ANXA6: variants seen among roughly 807,000 people sequenced by gnomAD.
ANXA6 encodes the protein 67 kDa calelectrin.
ANXA6 carries 71 observed loss-of-function variants against 95.4 expected under a neutral mutation model. The observed-to-expected ratio is 0.74, with a 90% CI of 0.61 to 0.91. ANXA6 has a LOEUF of 0.91. ANXA6 is among the 40% of genes least tolerant of loss of function. The pLI is 0.00. For missense variants in ANXA6, 830 were observed against 876.4 expected, an observed-to-expected ratio of 0.95 and a Z score of 0.67; for synonymous variants, 289 against 315.9, an observed-to-expected ratio of 0.91 and a Z score of 0.90.
intron 24 of ANXA6, among the ~76,000 whole-genome samples, chr5:151,104,027 C>T (rs1315500906): frequency 2.0e-5 from 3 of 152,128 alleles, no homozygotes; most frequent in Admixed American, 2.0e-4. Flanking sequence ...AACCAATAAC[C>T]AATATCTTTA....
intron 13 of ANXA6, among the ~76,000 whole-genome samples, chr5:151,127,622 T>C (rs886348288): frequency 6.6e-6 from 1 of 152,166 alleles, no homozygotes; most frequent in Non-Finnish European, 1.5e-5. Context: ...CTCCCCTTGG[T>C]CTGGGCTAGG....
intron 16 of ANXA6, 68 bp downstream of exon 16, chr5:151,122,849 G>C: frequency 7.0e-7 from 1 of 1,420,890 alleles, no homozygotes; most frequent in Non-Finnish European, 9.9e-7. Flanking sequence ...GAACCGATGG[G>C]GACAGGCTGA....
intron 2 of ANXA6, among the ~76,000 whole-genome samples, 170 bp downstream of exon 2, chr5:151,147,714 T>C (rs1408392516): frequency 3.3e-5 from 5 of 152,308 alleles, no homozygotes; most frequent in South Asian, 2.1e-4. Flanking sequence ...TATGGTGACC[T>C]GCATCTGAAG....
Position 151,124,296 on chromosome 5 carries a change from C to T in ANXA6, c.1128G>A (p.Met376Ile). 6.2e-7 allele frequency: 1 copy of T among 1,613,650 alleles called. No homozygotes were observed. The highest frequency in any genetic ancestry group is 2.2e-5 in the East Asian group (1 of 44,854). The change falls in exon 15 of 26, where the codon ATG (methionine) becomes ATA (isoleucine). Residue 376 changes from methionine to isoleucine, a missense_variant. Met to Ile is a conservative substitution (Grantham distance 10). Coordinates refer to ENST00000354546, the MANE Select transcript of ANXA6 (RefSeq NM_001155.5). ...DADAKALRKA[M>I]KGLGTDEDTI... ...TCCCATCCCCCATACCGAGTCCCTT[C>T]ATGGCTTTCCGCAGCGCTTTGGCAT...
In ANXA6 at chr5:151,114,613, T is replaced by TAAAAAAAAAAAAAAAAAAAAA. The variant is rs61407672; in HGVS notation, c.1572+2493_1572+2513dup. Among the ~76,000 whole-genome samples, 3 of 70,318 alleles carry TAAAAAAAAAAAAAAAAAAAAA rather than the reference T, an allele frequency of 4.3e-5. 1 individual carries two copies. The highest frequency in any genetic ancestry group is 1.0e-3 in the East Asian group (2 of 1,992). 46.1% of individuals were successfully genotyped at this position (70,318 alleles called of 152,430 possible). On this transcript the variant is annotated intron_variant, in intron 20 of 25. Transcript: ENST00000354546. Reference sequence around the variant, plus strand: ...TGGGCAACAGAGCGAGACTCCGTCTTAAAAAAAAAAAAAAAAAAAAAAAAA... The same window carrying TAAAAAAAAAAAAAAAAAAAAA: ...TGGGCAACAGAGCGAGACTCCGTCTTAAAAAAAAAAAAAAAAAAAAAAAAAAAAAAAAAAAAAAAAAAAAAA...
At chr5:151,134,793 A>G (rs1176496334) in intron 7 of ANXA6, among the ~76,000 whole-genome samples, 3 of 152,074 alleles carry the variant, frequency 2.0e-5, no homozygotes, top group Non-Finnish European at 4.4e-5. Flanking sequence ...CTCTCTGAGG[A>G]CAGGGCCCCA....
At chr5:151,135,229 G>A (rs1396549004) in intron 7 of ANXA6, among the ~76,000 whole-genome samples, 1 of 152,210 alleles carries the variant, frequency 6.6e-6, no homozygotes, top group Non-Finnish European at 1.5e-5. Context: ...GCAGAAGACA[G>A]AGCTGGCAAG....
At chr5:151,113,579 G>A (rs549894182) in intron 20 of ANXA6, among the ~76,000 whole-genome samples, 1 of 152,000 alleles carries the variant, frequency 6.6e-6, no homozygotes, top group Non-Finnish European at 1.5e-5. Context: ...ACTTACGCGG[G>A]TCAGAGTACC....
At chr5:151,141,777 A>G (rs1053720741) in intron 2 of ANXA6, 4 of 930,790 alleles carry the variant, frequency 4.3e-6, no homozygotes, top group Non-Finnish European at 5.1e-6. Flanking sequence ...CAACCTGATC[A>G]CGCCCCTGGG....
chr5:151,128,408 G>A, intron 12 of ANXA6, 169 bp from the exon 13 acceptor site: 1 of 606,148 alleles, frequency 1.6e-6, no homozygotes. Context: ...TTCTCAGCGG[G>A]CAGGTTGGAG....
chr5:151,126,582 A>C, intron 13 of ANXA6, 102 bp from the exon 14 acceptor site: 1 of 866,976 alleles, frequency 1.2e-6, no homozygotes, highest in Non-Finnish European at 1.9e-6. Context: ...CCCAACACAT[A>C]CACACACGTG....
chr5:151,112,635 C>T (rs1185531029), intron 20 of ANXA6, among the ~76,000 whole-genome samples: 2 of 152,092 alleles, frequency 1.3e-5, no homozygotes, highest in African/African-American at 2.4e-5. Flanking sequence ...AGTTTGAGAC[C>T]AGCCGGGATA....
At position 151,122,186 on chromosome 5, in the gene ANXA6, C is replaced by T. The variant is rs375008185; in HGVS notation, c.1308G>A (p.Pro436=). The change falls in exon 17 of 26, where the codon CCG becomes CCA. Residue 436 remains proline (P), a synonymous_variant. Coordinates refer to ENST00000354546, the MANE Select transcript of ANXA6 (RefSeq NM_001155.5). The stretch of plus-strand genomic sequence containing the variant: ...TCAACTGCTTGGCATCGTAATGGGC[C>T]GGTGGCATCATGAGCCCCAGAATCA... The part of the protein sequence containing the change: ...ARLILGLMMP[P]AHYDAKQLKK... 15 of 1,601,944 alleles carry T rather than the reference C, an allele frequency of 9.4e-6. No individual in the cohort carries two copies. The highest frequency in any genetic ancestry group is 1.7e-5 in the Admixed American group (1 of 57,374).
At chr5:151,129,324 C>G in intron 12 of ANXA6, 83 bp downstream of exon 12, 1 of 1,551,430 alleles carries the variant, frequency 6.4e-7, no homozygotes, top group Non-Finnish European at 8.8e-7. Context: ...AGGACATTTC[C>G]TTTTCCTGGG....
rs377480836 is a variant in ANXA6 at position 151,136,518 on chromosome 5, A to C, written c.410-183T>G. On this transcript the variant is annotated intron_variant, in intron 6 of 25. Coordinates refer to ENST00000354546, the MANE Select transcript of ANXA6 (RefSeq NM_001155.5). ...TCTTCGTACTGACCATGATATGATG[A>C]AATGGAATCTGTTCATTCTCTCTAG... Among the ~76,000 whole-genome samples, 8 of 152,302 alleles carry C rather than the reference A, an allele frequency of 5.3e-5. No individual in the cohort carries two copies. The South Asian group carries it at 8.3e-4, about 16-fold the overall frequency.
At position 151,108,409 on chromosome 5, in the gene ANXA6, C is replaced by T. The variant is rs750125145; in HGVS notation, c.1780+46G>A. The T allele has an allele frequency of 3.9e-6, 6 of 1,538,054 alleles. No homozygotes were observed. The South Asian group carries it at 6.7e-5, about 17-fold the overall frequency. Reference sequence around the variant, plus strand: ...GTTCTATTCTTCCAGAGAATCTGTTCAAGTTCCCAGTGCCCCCAGCCCTTC... The same window carrying T: ...GTTCTATTCTTCCAGAGAATCTGTTTAAGTTCCCAGTGCCCCCAGCCCTTC... On this transcript the variant is annotated intron_variant, in intron 23 of 25. Coordinates refer to ENST00000354546, the MANE Select transcript of ANXA6 (RefSeq NM_001155.5).
intron 2 of ANXA6, among the ~76,000 whole-genome samples, chr5:151,144,105 G>A (rs1208556600): frequency 6.6e-6 from 1 of 152,166 alleles, no homozygotes; most frequent in African/African-American, 2.4e-5. Flanking sequence ...TCAGACTCTT[G>A]TAAGGGCAGC....
chr5:151,128,272 C>T (rs1458444758), intron 12 of ANXA6, 33 bp from the exon 13 acceptor site: 2 of 1,575,088 alleles, frequency 1.3e-6, no homozygotes, highest in East Asian at 2.3e-5. Context: ...TACCTCTCAC[C>T]CAGCCCTGGG....
chr5:151,108,748 G>T (rs774776723), intron 22 of ANXA6, among the ~76,000 whole-genome samples, 198 bp from the exon 23 acceptor site: 1 of 152,238 alleles, frequency 6.6e-6, no homozygotes, highest in Non-Finnish European at 1.5e-5. Flanking sequence ...GGCTGCCGTG[G>T]GCTCAGAGCC....
Sources: gnomAD v4.1 joint callset for allele counts (sites outside exome capture counted in the v4.1 genomes callset) on GRCh38, gnomAD v4.1.1 for gene constraint, MANE v1.5 for transcripts, NCBI Gene and HGNC (gene_info 2026-07-23, HGNC 2026-07-21) for gene names.